The following PCDHGB1 variants were observed in gnomAD, a reference collection of about 807,000 sequenced individuals.
The protein encoded by PCDHGB1 is protocadherin gamma-B1.
PCDHGB1 carries 34 observed loss-of-function variants against 56.6 expected under a neutral mutation model. That is an observed-to-expected ratio of 0.60 (90% CI 0.46 to 0.80). The LOEUF is 0.80. Ranked by LOEUF, PCDHGB1 falls within the 30% of genes least tolerant of loss-of-function variation. The pLI, the probability that PCDHGB1 is intolerant of heterozygous loss-of-function variation, is 0.00. For missense variants in PCDHGB1, 1,278 were observed against 1,204.6 expected (o/e 1.06, Z -0.90); for synonymous variants, 561 against 505.9 (o/e 1.11, Z -1.46).
Position 141,376,767 on chromosome 5 carries a change from A to G in PCDHGB1, c.2409+24098A>G. The G allele has an allele frequency of 7.0e-6, 3 of 425,754 alleles. No individual in the cohort carries two copies. The South Asian group carries it at 8.7e-5, about 12-fold the overall frequency. 26.4% of individuals were successfully genotyped at this position (425,754 alleles called of 1,614,324 possible). On this transcript the variant is annotated intron_variant, in intron 1 of 3. Coordinates refer to ENST00000523390, the MANE Select transcript of PCDHGB1 (RefSeq NM_018922.3). The stretch of plus-strand genomic sequence containing the variant: ...AGTGGCGCAATCTCGGCTCACTGCA[A>G]GCTCCGCTTCCCGGGTTCACGCCAT...
At chr5:141,394,690 T>A (rs745602076) in intron 1 of PCDHGB1, 1 of 1,610,768 alleles carries the variant, frequency 6.2e-7, no homozygotes, top group East Asian at 2.2e-5. Flanking sequence ...ACGGGCGAGG[T>A]GCGCACGGCG....
chr5:141,389,560 G>C (rs1323439261), intron 1 of PCDHGB1: 2 of 1,613,106 alleles, frequency 1.2e-6, no homozygotes, highest in South Asian at 1.1e-5. Context: ...AATGCGCCAC[G>C]GGTGCTGTAC....
intron 1 of PCDHGB1, chr5:141,420,003 T>C: frequency 6.2e-7 from 1 of 1,614,100 alleles, no homozygotes; most frequent in Non-Finnish European, 8.5e-7. Flanking sequence ...GCTCTACGCC[T>C]GCGACAGTCT....
intron 1 of PCDHGB1, chr5:141,360,800 A>G: frequency 6.2e-7 from 1 of 1,613,960 alleles, no homozygotes. Context: ...GACCCACCTC[A>G]AAGTGGCACG....
Position 141,490,709 on chromosome 5 carries a change from C to T in PCDHGB1, c.2410-4098C>T. ...GACACTGGGGATAATGCCCGCCTCA[C>T]CTACTCCATTGTAGGAAATCAGGTT... On this transcript the variant is annotated intron_variant, in intron 1 of 3. Transcript: ENST00000523390. This position sits in a 1 kb window ranked among gnomAD's most constrained non-coding sequence, Gnocchi z 5.4. The T allele has an allele frequency of 1.9e-6, 3 of 1,614,218 alleles. No homozygotes were observed. Among genetic ancestry groups the T allele is most frequent in the Non-Finnish European group, 2.5e-6 (3 of 1,180,038 alleles).
chr5:141,436,998 A>G (rs985067199), intron 1 of PCDHGB1, among the ~76,000 whole-genome samples: 23 of 152,242 alleles, frequency 1.5e-4, no homozygotes, highest in South Asian at 2.1e-4. Flanking sequence ...GTTTACTTCA[A>G]TGGGATCTTA....
Position 141,432,108 on chromosome 5 carries a change from C to G in PCDHGB1, c.2410-62699C>G. ...GTGGCAGACACCAACGACAACCCGC[C>G]GGTCTTCCCTCAGGCCTCCTATTCC... On this transcript the variant is annotated intron_variant, in intron 1 of 3. Coordinates refer to ENST00000523390, the MANE Select transcript of PCDHGB1 (RefSeq NM_018922.3). The surrounding 1 kb of genome is among the most constrained non-coding windows in gnomAD (Gnocchi z 6.0). 4 of 1,614,180 alleles carry G rather than the reference C, an allele frequency of 2.5e-6. No homozygotes were observed. The highest frequency in any genetic ancestry group is 3.4e-6 in the Non-Finnish European group (4 of 1,180,046).
At chr5:141,408,882 A>G (rs1561715935) in intron 1 of PCDHGB1, 1 of 1,613,404 alleles carries the variant, frequency 6.2e-7, no homozygotes, top group Admixed American at 1.7e-5. Context: ...GCCACCGCTC[A>G]CATAGAAATT....
chr5:141,460,037 C>A (rs1203902962), intron 1 of PCDHGB1, among the ~76,000 whole-genome samples: 1 of 152,120 alleles, frequency 6.6e-6, no homozygotes, highest in African/African-American at 2.4e-5. Context: ...GAGACTGCAC[C>A]ACTGCACTCC....
At chr5:141,358,065 C>T (rs1461000215) in intron 1 of PCDHGB1, among the ~76,000 whole-genome samples, 5 of 152,092 alleles carry the variant, frequency 3.3e-5, no homozygotes, top group African/African-American at 1.2e-4. Flanking sequence ...TGGTGTGTGC[C>T]CGTAGTCCCA....
chr5:141,413,567 A>G (rs950241336), intron 1 of PCDHGB1: 2 of 1,613,936 alleles, frequency 1.2e-6, no homozygotes, highest in Admixed American at 1.7e-5. Context: ...ACTGATATCA[A>G]TGACAATGCT....
At chr5:141,392,871 C>T (rs2092620267) in intron 1 of PCDHGB1, 2 of 1,613,280 alleles carry the variant, frequency 1.2e-6, no homozygotes, top group Admixed American at 1.7e-5. Flanking sequence ...GTGCGCGCTG[C>T]TGGGAACGCT....
At chr5:141,360,018 A>C in intron 1 of PCDHGB1, 12 of 1,225,116 alleles carry the variant, frequency 9.8e-6, no homozygotes, top group Non-Finnish European at 1.3e-5. Flanking sequence ...CACACAGAGA[A>C]GGCCAGTATA....
chr5:141,423,877 C>G, intron 1 of PCDHGB1: 1 of 1,283,890 alleles, frequency 7.8e-7, no homozygotes, highest in South Asian at 3.4e-5. Flanking sequence ...ATTTTTCAAT[C>G]TTGGCATATT....
intron 1 of PCDHGB1, chr5:141,361,265 G>C (rs1245331652): frequency 6.2e-7 from 1 of 1,613,872 alleles, no homozygotes; most frequent in Non-Finnish European, 8.5e-7. Flanking sequence ...AGAGACTCTG[G>C]AGAAAATGGA....
rs772255343 is a variant in PCDHGB1, at chr5:141,432,272, G to C, written c.2410-62535G>C. On this transcript the variant is annotated intron_variant, in intron 1 of 3. Coordinates refer to ENST00000523390, the MANE Select transcript of PCDHGB1 (RefSeq NM_018922.3). This position sits in a 1 kb window ranked among gnomAD's most constrained non-coding sequence, Gnocchi z 6.0. ...CCAAGGGGCAAGCCTATCGTCCTAC[G>C]TGTCCATCAACTCCGACACTGGGGT... The C allele has an allele frequency of 3.1e-6, 5 of 1,614,210 alleles. No individual in the cohort carries two copies. Among genetic ancestry groups the C allele is most frequent in the Non-Finnish European group, 4.2e-6 (5 of 1,180,042 alleles).
chr5:141,501,945 T>C (rs1318749969), intron 2 of PCDHGB1, among the ~76,000 whole-genome samples: 1 of 152,106 alleles, frequency 6.6e-6, no homozygotes, highest in Non-Finnish European at 1.5e-5. Context: ...CACTGCTCCC[T>C]GTGACAGGTC....
chr5:141,435,614 C>A, intron 1 of PCDHGB1, among the ~76,000 whole-genome samples: 1 of 152,056 alleles, frequency 6.6e-6, no homozygotes, highest in East Asian at 1.9e-4. Flanking sequence ...ACATTAAATT[C>A]CCCATAACTT....
At chr5:141,413,407 CTT>C (rs758693256) in intron 1 of PCDHGB1, 1 of 1,613,926 alleles carries the variant, frequency 6.2e-7, no homozygotes, top group Non-Finnish European at 8.5e-7. Context: ...TAGGACGCAG[CTT>C]TTCTCTCTGA....
Sources: allele counts gnomAD v4.1 joint callset (sites outside exome capture counted in the v4.1 genomes callset), GRCh38; gene constraint gnomAD v4.1.1; non-coding constraint Gnocchi (gnomAD v3.1); transcripts MANE v1.5; gene names NCBI Gene and HGNC (gene_info 2026-07-23, HGNC 2026-07-21).